LRRTM4: variants seen among roughly 807,000 people sequenced by gnomAD.
LRRTM4 encodes the protein leucine-rich repeat transmembrane neuronal protein 4.
A neutral mutation model predicts 47.6 loss-of-function variants in LRRTM4; 25 were observed. The ratio of observed to expected loss-of-function variants is 0.53; its 90% confidence interval spans 0.38 to 0.73. LRRTM4 has a LOEUF of 0.73. LRRTM4 is among the 30% of genes least tolerant of loss of function. The pLI is 0.00. For synonymous variants in LRRTM4, 311 were observed against 269.5 expected (o/e 1.15, Z -1.51); for missense variants, 638 against 713.4 (o/e 0.89, Z 1.20).
chr2:76,783,990 C>T (rs1231107068), intron 3 of LRRTM4, among the ~76,000 whole-genome samples: 2 of 151,944 alleles, frequency 1.3e-5, no homozygotes, highest in African/African-American at 4.8e-5. Flanking sequence ...GAATGTTAAA[C>T]AGAGTTGCTA....
chr2:77,188,916 A>G (rs1274056481), intron 3 of LRRTM4, among the ~76,000 whole-genome samples: 2 of 152,160 alleles, frequency 1.3e-5, no homozygotes, highest in Non-Finnish European at 2.9e-5. Flanking sequence ...CCACTTTTTA[A>G]AATCACCACT....
At chr2:77,341,357 T>C (rs1427332990) in intron 3 of LRRTM4, among the ~76,000 whole-genome samples, 1 of 151,990 alleles carries the variant, frequency 6.6e-6, no homozygotes, top group Non-Finnish European at 1.5e-5. Context: ...CTTTGTCTGG[T>C]ATATACCCCC....
intron 3 of LRRTM4, among the ~76,000 whole-genome samples, chr2:76,782,328 C>G (rs755848877): frequency 6.6e-6 from 1 of 152,168 alleles, no homozygotes; most frequent in Admixed American, 6.5e-5. Flanking sequence ...CAGTACATAT[C>G]AAGCAATTCA....
rs368080398 is a variant in LRRTM4 at position 76,804,737 on chromosome 2, TTATA to T, written c.1552-55825_1552-55822del. On this transcript the variant is annotated intron_variant, in intron 3 of 3. Coordinates refer to ENST00000409884, the MANE Select transcript of LRRTM4 (RefSeq NM_001134745.3). Reference sequence around the variant, plus strand: ...ATATAAAACAATGATATATCATGTTTTATATATATATCATTGTTTTATAACAATA... The same window carrying T: ...ATATAAAACAATGATATATCATGTTTTATATATCATTGTTTTATAACAATA... Among the ~76,000 whole-genome samples, 119 of 144,050 alleles carry T rather than the reference TTATA, an allele frequency of 8.3e-4. 1 individual carries two copies. In the East Asian group the frequency reaches 0.019, roughly 23 times the overall value. The allele number at this position is 144,050 out of a possible 152,430, so 94.5% of individuals were successfully genotyped here. A position where few individuals can be genotyped will look rare whatever the true frequency, so the allele number is the denominator to read the frequency against.
chr2:77,153,796 T>C (rs896979815), intron 3 of LRRTM4, among the ~76,000 whole-genome samples: 2 of 152,168 alleles, frequency 1.3e-5, no homozygotes, highest in Non-Finnish European at 2.9e-5. Flanking sequence ...AATCAAGCAC[T>C]GTGAAGCCTT....
Position 77,518,588 on chromosome 2 carries a change from G to C in LRRTM4, c.1281C>G (p.Ala427=). ...YEHVSFHKII[A]GSVALFLSVA... is the part of the protein sequence containing the mutation. The stretch of plus-strand genomic sequence containing the variant: ...CTGAGAGAAAGAGAGCCACACTCCC[G>C]GCAATAATTTTGTGAAATGAAACAT... The change falls in exon 3 of 4, where the codon GCC becomes GCG. Residue 427 remains alanine (A), a synonymous_variant. Transcript: ENST00000409884. 3.7e-6 allele frequency: 6 copies of C among 1,613,372 alleles called. No homozygotes were observed. The highest frequency in any genetic ancestry group is 5.1e-6 in the Non-Finnish European group (6 of 1,179,628).
At chr2:77,165,410 T>C (rs1284356229) in intron 3 of LRRTM4, among the ~76,000 whole-genome samples, 1 of 152,184 alleles carries the variant, frequency 6.6e-6, no homozygotes, top group East Asian at 1.9e-4. Flanking sequence ...CCACTCCTTC[T>C]GAAACTATTC....
intron 3 of LRRTM4, among the ~76,000 whole-genome samples, chr2:76,916,470 C>T (rs1674255898): frequency 6.6e-6 from 1 of 151,076 alleles, no homozygotes; most frequent in Non-Finnish European, 1.5e-5. Context: ...TGATCATGTC[C>T]ATGCTTTTTA....
At chr2:77,240,796 G>A (rs1285870180) in intron 3 of LRRTM4, among the ~76,000 whole-genome samples, 1 of 151,696 alleles carries the variant, frequency 6.6e-6, no homozygotes. Flanking sequence ...TAATAAAATG[G>A]TACCATTTAA....
chr2:77,072,160 C>T (rs921314090), intron 3 of LRRTM4, among the ~76,000 whole-genome samples: 1 of 152,012 alleles, frequency 6.6e-6, no homozygotes, highest in African/African-American at 2.4e-5. Flanking sequence ...ATGTTGAAGT[C>T]TATGGTGTTA....
intron 3 of LRRTM4, among the ~76,000 whole-genome samples, chr2:76,777,318 G>A (rs1222571839): frequency 7.0e-6 from 1 of 142,434 alleles, no homozygotes; most frequent in Non-Finnish European, 1.5e-5. Flanking sequence ...AGCTTGATGG[G>A]GATGGCATTG....
intron 3 of LRRTM4, among the ~76,000 whole-genome samples, chr2:77,430,796 G>A (rs1406978545): frequency 1.3e-5 from 2 of 148,352 alleles, no homozygotes; most frequent in East Asian, 1.9e-4. Flanking sequence ...TTGTTTTGAG[G>A]TGTATCTGTG....
chr2:77,404,983 T>C (rs1473041671), intron 3 of LRRTM4, among the ~76,000 whole-genome samples: 2 of 152,286 alleles, frequency 1.3e-5, no homozygotes, highest in East Asian at 1.9e-4. Context: ...TTTTAAATCA[T>C]TGAACTTTCA....
intron 3 of LRRTM4, among the ~76,000 whole-genome samples, chr2:77,412,793 C>A (rs1043198388): frequency 3.3e-5 from 5 of 152,110 alleles, no homozygotes; most frequent in African/African-American, 9.7e-5. Flanking sequence ...ATAAAATAAG[C>A]AGCATGGGAT....
intron 3 of LRRTM4, among the ~76,000 whole-genome samples, chr2:76,784,163 CA>C (rs1358449299): frequency 2.0e-5 from 3 of 151,932 alleles, no homozygotes; most frequent in African/African-American, 7.2e-5. Flanking sequence ...TTGTATTACA[CA>C]CACAAAAAGG....
At chr2:77,462,069 A>G (rs1046875712) in intron 3 of LRRTM4, among the ~76,000 whole-genome samples, 1 of 152,090 alleles carries the variant, frequency 6.6e-6, no homozygotes, top group Non-Finnish European at 1.5e-5. Flanking sequence ...TTAACCTAGC[A>G]GCAGAATTGA....
intron 3 of LRRTM4, among the ~76,000 whole-genome samples, chr2:77,132,729 C>G (rs1450825537): frequency 6.6e-6 from 1 of 152,162 alleles, no homozygotes; most frequent in Non-Finnish European, 1.5e-5. Flanking sequence ...GAGGGCAAAG[C>G]CTTCATCAAT....
intron 3 of LRRTM4, among the ~76,000 whole-genome samples, chr2:77,358,976 A>T (rs2104310492): frequency 6.6e-6 from 1 of 152,270 alleles, no homozygotes; most frequent in Non-Finnish European, 1.5e-5. Flanking sequence ...TTTCTTATTG[A>T]ATGATGAAAG....
In LRRTM4 at chr2:77,513,115, T is replaced by C. The variant is rs182883632; in HGVS notation, c.1551+5203A>G. Among the ~76,000 whole-genome samples, 4 of 152,308 alleles carry C rather than the reference T, an allele frequency of 2.6e-5. No homozygotes were observed. The East Asian group carries it at 5.8e-4, about 22-fold the overall frequency. On this transcript the variant is annotated intron_variant, in intron 3 of 3. Coordinates refer to ENST00000409884, the MANE Select transcript of LRRTM4 (RefSeq NM_001134745.3). ...AAATATCTAGTTACTTAGCAGAATT[T>C]CAAAGACATATACGTGTGTGGGAGT...
Sources: allele counts gnomAD v4.1 joint callset (sites outside exome capture counted in the v4.1 genomes callset), GRCh38; gene constraint gnomAD v4.1.1; transcripts MANE v1.5; gene names NCBI Gene and HGNC (gene_info 2026-07-23, HGNC 2026-07-21).